RAPGEF4: variants seen among roughly 807,000 people sequenced by gnomAD.
RAPGEF4 encodes the protein RAP guanine-nucleotide-exchange factor (GEF) 4.
In RAPGEF4, 66 loss-of-function variants were observed where a neutral mutation model predicts 147.9. The ratio of observed to expected loss-of-function variants is 0.45; its 90% CI spans 0.37 to 0.55. RAPGEF4 has a LOEUF of 0.55. Among genes scored for constraint, RAPGEF4 ranks in the 20% least tolerant of loss-of-function variants. The probability of loss-of-function intolerance (pLI) is 0.00; values close to 1 mark genes in which losing one functional copy is unlikely to be tolerated. For missense variants in RAPGEF4, 1,071 were observed against 1,257.3 expected (o/e 0.85, Z 2.24); for synonymous variants, 419 against 442.7 (o/e 0.95, Z 0.67).
At chr2:172,765,787 G>A (rs1431899661) in intron 1 of RAPGEF4, among the ~76,000 whole-genome samples, 1 of 152,230 alleles carries the variant, frequency 6.6e-6, no homozygotes, top group Non-Finnish European at 1.5e-5. Context: ...CCTCTCATCG[G>A]TCTGGCTGCC....
chr2:172,742,481 T>C (rs1694386235), intron 1 of RAPGEF4, among the ~76,000 whole-genome samples: 2 of 152,224 alleles, frequency 1.3e-5, no homozygotes. Context: ...GGTCTAGAGT[T>C]TGACTTTTTG....
intron 8 of RAPGEF4, chr2:172,965,156 C>T (rs775767033): frequency 9.0e-5 from 17 of 189,610 alleles, no homozygotes; most frequent in Non-Finnish European, 1.3e-4. Flanking sequence ...TTAACTCATT[C>T]GGCACGAGAC....
At chr2:172,995,618 A>C (rs1400767666) in intron 15 of RAPGEF4, among the ~76,000 whole-genome samples, 3 of 152,282 alleles carry the variant, frequency 2.0e-5, no homozygotes, top group Middle Eastern at 3.4e-3. Flanking sequence ...TTCCAAGCAG[A>C]AAAGCAAAGC....
At chr2:172,780,358 G>A (rs1436229003) in intron 1 of RAPGEF4, among the ~76,000 whole-genome samples, 2 of 152,156 alleles carry the variant, frequency 1.3e-5, no homozygotes, top group South Asian at 2.1e-4. Context: ...AGTGTCTAGG[G>A]ACAGCAAATT....
Position 173,042,353 on chromosome 2 carries a change from A to G in RAPGEF4, c.2853+5661A>G, listed in dbSNP as rs1378683315. 6.6e-6 allele frequency among the ~76,000 whole-genome samples: 1 copy of G among 152,232 alleles called. No individual in the cohort carries two copies. Among genetic ancestry groups the G allele is most frequent in the Non-Finnish European group, 1.5e-5 (1 of 68,040 alleles). On this transcript the variant is annotated intron_variant, in intron 29 of 30. Coordinates refer to ENST00000397081, the MANE Select transcript of RAPGEF4 (RefSeq NM_007023.4). This position sits in a 1 kb window ranked among gnomAD's most constrained non-coding sequence, Gnocchi z 4.2. ...TTTTATTAGAAAATTGGATGAATCA[A>G]CTGGGCACAGTGGCTCACGCCTGTA...
At chr2:172,825,723 T>C (rs1689598914) in intron 4 of RAPGEF4, among the ~76,000 whole-genome samples, 1 of 152,312 alleles carries the variant, frequency 6.6e-6, no homozygotes, top group African/African-American at 2.4e-5. Flanking sequence ...ACATACCTTT[T>C]AAATTCATTA....
chr2:172,832,100 A>G (rs1362196898), intron 4 of RAPGEF4, among the ~76,000 whole-genome samples: 1 of 152,234 alleles, frequency 6.6e-6, no homozygotes, highest in Non-Finnish European at 1.5e-5. Flanking sequence ...GGAGAGCAGG[A>G]ATAATAGTGT....
chr2:172,812,756 T>C (rs928204741), intron 3 of RAPGEF4, among the ~76,000 whole-genome samples: 3 of 152,202 alleles, frequency 2.0e-5, no homozygotes, highest in African/African-American at 7.2e-5. Context: ...AAGTAAAAAT[T>C]AGGCAAAAGA....
chr2:172,923,157 GTC>G (rs1684935727), intron 6 of RAPGEF4, among the ~76,000 whole-genome samples: 1 of 152,196 alleles, frequency 6.6e-6, no homozygotes, highest in Non-Finnish European at 1.5e-5. Context: ...TCAGATATCA[GTC>G]TCTGGCTTGC....
chr2:172,934,649 C>T (rs975972916), intron 6 of RAPGEF4, among the ~76,000 whole-genome samples: 2 of 151,354 alleles, frequency 1.3e-5, no homozygotes, highest in Non-Finnish European at 2.9e-5. Context: ...AGTTAAGTAC[C>T]AAAATACCAA....
At chr2:172,750,046 A>C (rs1252716891) in intron 1 of RAPGEF4, among the ~76,000 whole-genome samples, 1 of 152,156 alleles carries the variant, frequency 6.6e-6, no homozygotes, top group Non-Finnish European at 1.5e-5. Flanking sequence ...CATTATCAAC[A>C]TTTTGGTCAA....
At chr2:172,801,654 TA>T (rs11324142) in intron 3 of RAPGEF4, among the ~76,000 whole-genome samples, 51,086 of 151,774 alleles carry the variant, frequency 0.34, 9,013 homozygotes, top group Middle Eastern at 0.47. Flanking sequence ...CCCAAGGTCA[TA>T]AAGCTGCTGG....
chr2:172,777,291 C>A (rs1389795846), intron 1 of RAPGEF4, among the ~76,000 whole-genome samples: 3 of 151,652 alleles, frequency 2.0e-5, no homozygotes, highest in Admixed American at 6.6e-5. Context: ...TATATTTATT[C>A]TTTCAACAAT....
At position 172,988,846 on chromosome 2, in the gene RAPGEF4, C is replaced by G. The variant is rs990657353; in HGVS notation, c.1374+7C>G. The G allele has an allele frequency of 1.2e-6, 2 of 1,612,638 alleles. No individual in the cohort carries two copies. The highest frequency in any genetic ancestry group is 1.7e-6 in the Non-Finnish European group (2 of 1,179,544). On this transcript the variant is annotated splice_region_variant and intron_variant, in intron 14 of 30. Transcript: ENST00000397081. ...TTTCAACCGGATCCTAAGGGTGAGT[C>G]CAAAGCAAAGTGTGGCTGAGAGACA...
At chr2:173,031,493 C>G (rs1697191504) in intron 26 of RAPGEF4, among the ~76,000 whole-genome samples, 1 of 152,208 alleles carries the variant, frequency 6.6e-6, no homozygotes, top group Admixed American at 6.5e-5. Context: ...AGCTTCTAAT[C>G]CCCCTGCCAC....
At chr2:172,885,824 C>A (rs1018594692) in intron 4 of RAPGEF4, among the ~76,000 whole-genome samples, 3 of 152,132 alleles carry the variant, frequency 2.0e-5, no homozygotes, top group African/African-American at 4.8e-5. Flanking sequence ...ATCTTGCCAC[C>A]AACACCCTGA....
At chr2:172,943,085 G>A (rs770445802) in intron 6 of RAPGEF4, among the ~76,000 whole-genome samples, 26 of 152,210 alleles carry the variant, frequency 1.7e-4, no homozygotes, top group African/African-American at 3.1e-4. Flanking sequence ...GGGAACACAC[G>A]TTTTAGGCAG....
At chr2:172,951,239 G>A (rs11695769) in intron 6 of RAPGEF4, among the ~76,000 whole-genome samples, 63,660 of 152,070 alleles carry the variant, frequency 0.42, 14,019 homozygotes, top group East Asian at 0.5. Context: ...ACACCACAGT[G>A]CAGTGGAAAC....
At chr2:172,835,016 C>T (rs938287974) in intron 4 of RAPGEF4, among the ~76,000 whole-genome samples, 4 of 152,198 alleles carry the variant, frequency 2.6e-5, no homozygotes, top group Admixed American at 6.5e-5. Flanking sequence ...TTTTGCCCCC[C>T]ACTAGCTGAC....
Sources: allele counts gnomAD v4.1 joint callset (sites outside exome capture counted in the v4.1 genomes callset), GRCh38; gene constraint gnomAD v4.1.1; non-coding constraint Gnocchi (gnomAD v3.1); transcripts MANE v1.5; gene names NCBI Gene and HGNC (gene_info 2026-07-23, HGNC 2026-07-21).